Variants in SSH2 observed in about 807,000 individuals in gnomAD.
SSH2 encodes slingshot protein phosphatase 2.
In SSH2, 37 loss-of-function variants were observed where a neutral mutation model predicts 135.2. That is an observed-to-expected ratio of 0.27 (90% confidence interval 0.21 to 0.36). SSH2 has a LOEUF of 0.36. Among genes scored for constraint, SSH2 ranks in the 10% least tolerant of loss-of-function variants. SSH2 has a pLI of 1.00. For missense variants in SSH2, 1,408 were observed against 1,765.3 expected (o/e 0.80, Z 3.63); for synonymous variants, 628 against 646.2 (o/e 0.97, Z 0.43).
In SSH2 at chr17:29,672,060, T is replaced by C. The variant is rs1349584086; in HGVS notation, c.684A>G (p.Leu228=). Residue 228 remains leucine, a synonymous_variant, in exon 9 of 16, where the codon CTA becomes CTG. Transcript: ENST00000540801. The part of the protein sequence containing the change: ...ARAHNYYPGS[L]FLTWVSYYES... ...CATAATAACTCACCCAAGTGAGAAA[T>C]AGGCTGCCTGGGTAGTAGTTATGCG... is the stretch of plus-strand genomic sequence containing the variant. 11 of 1,614,004 alleles carry C rather than the reference T, an allele frequency of 6.8e-6. No individual in the cohort carries two copies. Among genetic ancestry groups the C allele is most frequent in the Admixed American group, 5.0e-5 (3 of 59,988 alleles).
intron 11 of SSH2, among the ~76,000 whole-genome samples, chr17:29,663,724 T>TA (rs1262737915): frequency 1.3e-5 from 2 of 152,158 alleles, no homozygotes; most frequent in Admixed American, 1.3e-4. Context: ...ATTTAAAAAG[T>TA]AAAAACTTCT....
At chr17:29,898,240 C>T (rs1255698566) in intron 1 of SSH2, among the ~76,000 whole-genome samples, 1 of 152,088 alleles carries the variant, frequency 6.6e-6, no homozygotes, top group South Asian at 2.1e-4. Context: ...AGAGCAATCA[C>T]ATTCAAAAGC....
At chr17:29,746,949 T>C (rs1204775954) in intron 3 of SSH2, among the ~76,000 whole-genome samples, 2 of 152,188 alleles carry the variant, frequency 1.3e-5, no homozygotes, top group Non-Finnish European at 2.9e-5. Flanking sequence ...GCATAAACTT[T>C]TCCGCAGTCA....
At chr17:29,821,495 AT>A (rs552866908) in intron 2 of SSH2, among the ~76,000 whole-genome samples, 150 of 143,796 alleles carry the variant, frequency 1.0e-3, no homozygotes, top group South Asian at 4.2e-3. Context: ...GAGCAAATAA[AT>A]TATGAAAAAA....
At chr17:29,866,946 T>A (rs991952513) in intron 1 of SSH2, among the ~76,000 whole-genome samples, 2 of 151,938 alleles carry the variant, frequency 1.3e-5, no homozygotes, top group Admixed American at 1.3e-4. Flanking sequence ...GATCCTTCCA[T>A]CTCAGTCTCC....
At chr17:29,786,758 C>A (rs751797142) in intron 3 of SSH2, among the ~76,000 whole-genome samples, 14 of 152,050 alleles carry the variant, frequency 9.2e-5, no homozygotes, top group Admixed American at 4.6e-4. Context: ...TTGAGACCAG[C>A]CTAGGCAACA....
intron 3 of SSH2, among the ~76,000 whole-genome samples, chr17:29,712,002 C>T (rs1567906069): frequency 1.3e-5 from 2 of 152,106 alleles, no homozygotes; most frequent in African/African-American, 4.8e-5. Flanking sequence ...CCAATGTGGT[C>T]GGGGCACAGC....
chr17:29,733,090 AAG>A (rs1440853767), intron 3 of SSH2, among the ~76,000 whole-genome samples: 4 of 152,232 alleles, frequency 2.6e-5, no homozygotes, highest in Non-Finnish European at 5.9e-5. Flanking sequence ...TCTAGCTGGG[AAG>A]AGTCTTCCAG....
At chr17:29,657,455 G>A (rs984681799) in intron 11 of SSH2, among the ~76,000 whole-genome samples, 4 of 147,732 alleles carry the variant, frequency 2.7e-5, no homozygotes, top group Non-Finnish European at 5.9e-5. Context: ...ATTTAGTAAA[G>A]ACGAGATTTC....
At chr17:29,919,903 G>T (rs1236919713) in intron 1 of SSH2, among the ~76,000 whole-genome samples, 6 of 151,950 alleles carry the variant, frequency 3.9e-5, no homozygotes, top group African/African-American at 1.5e-4. Context: ...AACCAGGAGT[G>T]ATTTATTTAT....
At chr17:29,871,810 G>C (rs1285319484) in intron 1 of SSH2, among the ~76,000 whole-genome samples, 2 of 152,068 alleles carry the variant, frequency 1.3e-5, no homozygotes, top group Non-Finnish European at 2.9e-5. Context: ...ATGACATTGT[G>C]TCAAAAATCT....
At chr17:29,688,868 C>T (rs376817189) in intron 5 of SSH2, among the ~76,000 whole-genome samples, 1 of 151,958 alleles carries the variant, frequency 6.6e-6, no homozygotes, top group African/African-American at 2.4e-5. Flanking sequence ...ATTAAAGTTC[C>T]TTTTAGGCCG....
At chr17:29,765,152 T>C (rs1000703133) in intron 3 of SSH2, among the ~76,000 whole-genome samples, 3 of 152,206 alleles carry the variant, frequency 2.0e-5, no homozygotes, top group African/African-American at 7.2e-5. Flanking sequence ...TCTGTTCTTA[T>C]GAGAGTTGGG....
intron 13 of SSH2, among the ~76,000 whole-genome samples, chr17:29,650,287 A>G (rs1356502758): frequency 6.6e-6 from 1 of 152,242 alleles, no homozygotes; most frequent in East Asian, 1.9e-4. Flanking sequence ...GGGGAGGACC[A>G]GTATTCTATC....
intron 3 of SSH2, among the ~76,000 whole-genome samples, chr17:29,792,729 T>C (rs113687716): frequency 0.026 from 3,958 of 152,340 alleles, 164 homozygotes; most frequent in African/African-American, 0.091. Flanking sequence ...CAAGCTGGAG[T>C]GCAGTGGCGC....
chr17:29,713,062 A>C (rs1237376657), intron 3 of SSH2, among the ~76,000 whole-genome samples: 1 of 152,004 alleles, frequency 6.6e-6, no homozygotes, highest in East Asian at 1.9e-4. Flanking sequence ...GAGGCTGGGC[A>C]TGGTGGCTCA....
chr17:29,823,608 G>A (rs138638824), intron 2 of SSH2, among the ~76,000 whole-genome samples: 44 of 151,892 alleles, frequency 2.9e-4, no homozygotes, highest in Admixed American at 1.2e-3. Context: ...GGTCGGGTGC[G>A]GTCTCATGCC....
intron 5 of SSH2, among the ~76,000 whole-genome samples, chr17:29,691,931 G>T (rs1291750984): frequency 6.6e-6 from 1 of 151,450 alleles, no homozygotes; most frequent in African/African-American, 2.4e-5. Context: ...TTGAGGTCAG[G>T]AGTTCAAGAC....
chr17:29,727,864 T>C (rs572296501), intron 3 of SSH2, among the ~76,000 whole-genome samples: 1 of 152,160 alleles, frequency 6.6e-6, no homozygotes, highest in South Asian at 2.1e-4. Context: ...AGCATCCCAA[T>C]TGGAAAGGAA....
Sources: gnomAD v4.1 joint callset for allele counts (sites outside exome capture counted in the v4.1 genomes callset) on GRCh38, gnomAD v4.1.1 for gene constraint, MANE v1.5 for transcripts, NCBI Gene and HGNC (gene_info 2026-07-23, HGNC 2026-07-21) for gene names.